The following SHROOM3 variants were observed in gnomAD, a reference collection of about 807,000 sequenced individuals.
The protein encoded by SHROOM3 is protein Shroom3.
A neutral mutation model predicts 138.6 loss-of-function variants in SHROOM3; 47 were observed. The observed-to-expected ratio is 0.34, with a 90% confidence interval of 0.27 to 0.43. The LOEUF (loss-of-function observed/expected upper bound fraction) is 0.43, where lower values mean the gene tolerates loss of function less well. Among genes scored for constraint, SHROOM3 ranks in the 20% least tolerant of loss-of-function variants. The pLI is 1.00. For synonymous variants in SHROOM3, 1,062 were observed against 1,063.3 expected (o/e 1.00, Z 0.02); for missense variants, 2,491 against 2,596.5 (o/e 0.96, Z 0.88).
intron 9 of SHROOM3, among the ~76,000 whole-genome samples, chr4:76,767,570 G>A (rs1483754025): frequency 1.1e-4 from 17 of 152,158 alleles, no homozygotes; most frequent in African/African-American, 3.4e-4. Context: ...CCAGCTACTC[G>A]GGAGGCTGAG....
At chr4:76,630,743 A>T (rs548426277) in intron 2 of SHROOM3, among the ~76,000 whole-genome samples, 28 of 152,354 alleles carry the variant, frequency 1.8e-4, no homozygotes, top group African/African-American at 6.5e-4. Context: ...TCTTAATGAT[A>T]AATTGGAGAA....
At position 76,565,160 on chromosome 4, in the gene SHROOM3, CAA is replaced by C. The variant is rs1166896258; in HGVS notation, c.323+9418_323+9419del. 3.8e-3 allele frequency among the ~76,000 whole-genome samples: 520 copies of C among 135,928 alleles called. 7 individuals are homozygous for C. The highest frequency in any genetic ancestry group is 0.014 in the African/African-American group (494 of 36,070). 89.2% of individuals were successfully genotyped at this position (135,928 alleles called of 152,430 possible). A position where few individuals can be genotyped will look rare whatever the true frequency, so the allele number is the denominator to read the frequency against. The stretch of plus-strand genomic sequence containing the variant: ...TGGGTGACAGGGCGAGACTCCATTT[CAA>C]AAAAAAAAAAAAAAAAAAAAGAATG... On this transcript the variant is annotated intron_variant, in intron 2 of 10. Coordinates refer to ENST00000296043, the MANE Select transcript of SHROOM3 (RefSeq NM_020859.4).
chr4:76,587,539 G>A (rs1012681035), intron 2 of SHROOM3, among the ~76,000 whole-genome samples: 1 of 152,102 alleles, frequency 6.6e-6, no homozygotes, highest in Non-Finnish European at 1.5e-5. Flanking sequence ...TTCAAAATCT[G>A]TGCTAATCAT....
At chr4:76,689,072 T>G (rs1719420431) in intron 2 of SHROOM3, 1 of 488,592 alleles carries the variant, frequency 2.0e-6, no homozygotes, top group South Asian at 8.8e-5. Flanking sequence ...TTCTTAAAGT[T>G]GATATTTTGC....
chr4:76,446,431 G>A (rs1480486491), intron 1 of SHROOM3, among the ~76,000 whole-genome samples: 1 of 141,908 alleles, frequency 7.0e-6, no homozygotes, highest in Non-Finnish European at 1.6e-5. Context: ...GGTGGGGGAT[G>A]CACATCTACT....
rs573141088 is a variant in SHROOM3 at position 76,756,433 on chromosome 4, T to A, written c.4710-16T>A. On this transcript the variant is annotated splice_polypyrimidine_tract_variant and intron_variant, in intron 7 of 10. Transcript: ENST00000296043. ...TCTCTCTCTCTTTTTTTTTTTTTTT[T>A]AAATATCCCTGGCAGCTTCAACAAA... 137 of 1,558,090 alleles carry A rather than the reference T, an allele frequency of 8.8e-5. No individual in the cohort carries two copies. The highest frequency in any genetic ancestry group is 2.0e-4 in the Middle Eastern group (1 of 4,898).
intron 2 of SHROOM3, among the ~76,000 whole-genome samples, chr4:76,579,332 G>A (rs1313112573): frequency 2.0e-5 from 3 of 152,128 alleles, no homozygotes; most frequent in Non-Finnish European, 2.9e-5. Context: ...GCTGGGCGTG[G>A]TGGCAGGCGC....
chr4:76,495,372 G>A (rs905890764), intron 1 of SHROOM3, among the ~76,000 whole-genome samples: 6 of 152,296 alleles, frequency 3.9e-5, no homozygotes, highest in African/African-American at 1.4e-4. Flanking sequence ...CCCAGGGATG[G>A]CCTAGAACCA....
At chr4:76,662,920 GAAGGGA>G (rs1718578580) in intron 2 of SHROOM3, among the ~76,000 whole-genome samples, 1 of 151,046 alleles carries the variant, frequency 6.6e-6, no homozygotes, top group Admixed American at 6.6e-5. Flanking sequence ...AGAGGGAGAG[GAAGGGA>G]GAGGGAGAGG....
intron 4 of SHROOM3, among the ~76,000 whole-genome samples, chr4:76,735,855 AAAAAAAAAAAAAAAT>A (rs1721033294): frequency 6.3e-5 from 3 of 47,956 alleles, no homozygotes; most frequent in African/African-American, 2.2e-4. Context: ...AAAAAAAAAA[AAAAAAAAAAAAAAAT>A]ATATATATAT....
chr4:76,658,453 G>T (rs1736113874), intron 2 of SHROOM3, among the ~76,000 whole-genome samples: 1 of 152,102 alleles, frequency 6.6e-6, no homozygotes, highest in South Asian at 2.1e-4. Flanking sequence ...GAAATAGCAA[G>T]ACTAAAAATA....
intron 1 of SHROOM3, among the ~76,000 whole-genome samples, chr4:76,464,151 T>G (rs970841600): frequency 6.6e-6 from 1 of 152,144 alleles, no homozygotes; most frequent in African/African-American, 2.4e-5. Context: ...AAAGCAGCTG[T>G]GGGGGCCATA....
At chr4:76,767,721 G>A (rs1447345471) in intron 9 of SHROOM3, among the ~76,000 whole-genome samples, 1 of 152,000 alleles carries the variant, frequency 6.6e-6, no homozygotes, top group African/African-American at 2.4e-5. Context: ...AAGAGCCACA[G>A]GAGGATTTTT....
chr4:76,599,103 T>C (rs1734450112), intron 2 of SHROOM3, among the ~76,000 whole-genome samples: 1 of 152,130 alleles, frequency 6.6e-6, no homozygotes, highest in African/African-American at 2.4e-5. Context: ...CCTAGGGTTT[T>C]AGCTTTAGCA....
intron 1 of SHROOM3, among the ~76,000 whole-genome samples, chr4:76,475,443 C>T (rs1447213412): frequency 6.6e-6 from 1 of 152,162 alleles, no homozygotes; most frequent in African/African-American, 2.4e-5. Flanking sequence ...TGAATGCTGG[C>T]AGAAGACACA....
At chr4:76,732,432 G>A (rs567260003) in intron 4 of SHROOM3, among the ~76,000 whole-genome samples, 1 of 152,196 alleles carries the variant, frequency 6.6e-6, no homozygotes, top group Non-Finnish European at 1.5e-5. Flanking sequence ...GTAGCTCATG[G>A]AATTGAACAG....
At chr4:76,454,823 C>T (rs1730993760) in intron 1 of SHROOM3, among the ~76,000 whole-genome samples, 1 of 152,096 alleles carries the variant, frequency 6.6e-6, no homozygotes, top group Admixed American at 6.6e-5. Context: ...TTTGTGTCTG[C>T]TTTCTTTCAG....
At chr4:76,580,256 CACTA>C (rs1734021438) in intron 2 of SHROOM3, among the ~76,000 whole-genome samples, 1 of 152,222 alleles carries the variant, frequency 6.6e-6, no homozygotes, top group African/African-American at 2.4e-5. Context: ...GGCATATCCT[CACTA>C]AGGAGAATTC....
At chr4:76,638,634 A>G (rs1360999522) in intron 2 of SHROOM3, among the ~76,000 whole-genome samples, 1 of 152,236 alleles carries the variant, frequency 6.6e-6, no homozygotes, top group African/African-American at 2.4e-5. Flanking sequence ...AAGCTAGCAG[A>G]CCAAATGGGT....
Sources: gnomAD v4.1 joint callset for allele counts (sites outside exome capture counted in the v4.1 genomes callset) on GRCh38, gnomAD v4.1.1 for gene constraint, MANE v1.5 for transcripts, NCBI Gene and HGNC (gene_info 2026-07-23, HGNC 2026-07-21) for gene names.